The following GPALPP1 variants were observed in gnomAD, a reference collection of about 807,000 sequenced individuals.
GPALPP1 encodes the protein GPALPP motifs containing 1.
In GPALPP1, 30 loss-of-function variants were observed where a neutral mutation model predicts 38.9. The ratio of observed to expected loss-of-function variants is 0.77; its 90% CI spans 0.58 to 1.05. The LOEUF is 1.05. GPALPP1 is among the 50% of genes least tolerant of loss of function. The pLI, the probability that GPALPP1 is intolerant of heterozygous loss-of-function variation, is 0.00. For missense variants in GPALPP1, 384 were observed against 408.8 expected, an observed-to-expected ratio of 0.94 and a Z score of 0.52; for synonymous variants, 120 against 139.2, an observed-to-expected ratio of 0.86 and a Z score of 0.97.
intron 4 of GPALPP1, 82 bp downstream of exon 4, chr13:45,008,961 T>C (rs1874292527): frequency 1.3e-6 from 1 of 796,666 alleles, no homozygotes; most frequent in African/African-American, 1.7e-5. Context: ...CTCCAAACTT[T>C]ATGCATGCAG....
At chr13:45,024,788 C>T (rs896120977) in intron 7 of GPALPP1, among the ~76,000 whole-genome samples, 6 of 151,922 alleles carry the variant, frequency 3.9e-5, no homozygotes, top group African/African-American at 9.7e-5. Flanking sequence ...ATTAGCTGAG[C>T]GTGGTGGCGG....
rs368317550 is a variant in GPALPP1 at position 45,011,773 on chromosome 13, C to T, written c.408+2894C>T. ...TCATTATTACCATTGTTCTTATTGC[C>T]TCCACTATGGATGCCATGAGTGTAA... On this transcript the variant is annotated intron_variant, in intron 4 of 7. Transcript: ENST00000379151. Among the ~76,000 whole-genome samples the T allele has an allele frequency of 3.9e-5, 6 of 152,138 alleles. No individual in the cohort carries two copies. The East Asian group carries it at 1.2e-3, about 29-fold the overall frequency.
intron 7 of GPALPP1, among the ~76,000 whole-genome samples, chr13:45,024,719 G>A (rs1875715873): frequency 6.6e-6 from 1 of 150,850 alleles, no homozygotes; most frequent in South Asian, 2.2e-4. Context: ...GTGAGGTCAG[G>A]AGTTCAAGAC....
downstream of GPALPP1, chr13:45,031,468 G>T (rs1876194284): frequency 6.6e-6 from 1 of 151,752 alleles, no homozygotes; most frequent in Non-Finnish European, 1.5e-5. Context: ...ACTTTTCTTT[G>T]TTTTCCTCAT....
intron 6 of GPALPP1, among the ~76,000 whole-genome samples, chr13:45,017,342 G>A (rs1874950068): frequency 6.6e-6 from 1 of 152,144 alleles, no homozygotes; most frequent in Non-Finnish European, 1.5e-5. Flanking sequence ...AGATTAAAGA[G>A]AATCTGAGAG....
rs754090863 is a variant in GPALPP1 at position 45,015,501 on chromosome 13, C to T, written c.610C>T (p.Leu204Phe). The T allele has an allele frequency of 6.2e-7, 1 of 1,608,878 alleles. No homozygotes were observed. The highest frequency in any genetic ancestry group is 8.5e-7 in the Non-Finnish European group (1 of 1,177,210). ...TCCTCCAGAAATGAAAGACTTTGGT[C>T]TTGGGCCAAGGACTTTTAAGAGAAG... ...ELPPEMKDFGLGPRTFKRRAD... is the reference protein window; with the variant it reads ...ELPPEMKDFGFGPRTFKRRAD... The change falls in exon 6 of 8, where the codon CTT becomes TTT. Residue 204 changes from leucine to phenylalanine, a missense_variant. Physicochemically the swap from Leu to Phe is conservative, Grantham distance 22. Coordinates refer to ENST00000379151, the MANE Select transcript of GPALPP1 (RefSeq NM_018559.5).
At chr13:45,020,220 C>A in intron 6 of GPALPP1, 110 bp from the exon 7 acceptor site, 1 of 542,562 alleles carries the variant, frequency 1.8e-6, no homozygotes, top group South Asian at 2.3e-5. Flanking sequence ...ATTTCACAAA[C>A]CTGGCTTAGT....
chr13:44,990,588 T>C (rs1160542175), intron 1 of GPALPP1, among the ~76,000 whole-genome samples: 1 of 152,222 alleles, frequency 6.6e-6, no homozygotes, highest in African/African-American at 2.4e-5. Flanking sequence ...ACGAAACGAA[T>C]GCTTCTCGGA....
chr13:45,009,023 T>A (rs1383066178), intron 4 of GPALPP1, 144 bp downstream of exon 4: 1 of 707,208 alleles, frequency 1.4e-6, no homozygotes, highest in African/African-American at 1.8e-5. Flanking sequence ...TATATTCAGA[T>A]TAATTTAAGA....
chr13:45,024,156 T>TGTGTGTGTGTGTGTGC (rs1875616841), intron 7 of GPALPP1, among the ~76,000 whole-genome samples: 1 of 6,232 alleles, frequency 1.6e-4, no homozygotes, highest in Non-Finnish European at 5.4e-4. Flanking sequence ...TCTGTGTGTG[T>TGTGTGTGTGTGTGTGC]GTGTGTGTGT....
intron 1 of GPALPP1, among the ~76,000 whole-genome samples, chr13:44,996,708 C>A (rs1873304800): frequency 6.6e-6 from 1 of 150,822 alleles, no homozygotes; most frequent in South Asian, 2.1e-4. Context: ...GTCTGGAACT[C>A]CTGGGCTCAA....
chr13:45,036,753 C>T (rs1015922830), exon 8 of GPALPP1: 1 of 152,088 alleles, frequency 6.6e-6, no homozygotes, highest in African/African-American at 2.4e-5. Flanking sequence ...CAAGACCAAC[C>T]TGGGCAACGT....
chr13:45,024,147 CTGTGTGTGTGTGTGTGTGTGTGTG>C (rs58048658), intron 7 of GPALPP1, among the ~76,000 whole-genome samples: 6 of 23,344 alleles, frequency 2.6e-4, no homozygotes, highest in East Asian at 1.4e-3. Context: ...CCCTAAAACT[CTGTGTGTGTGTGTGTGTGTGTGTG>C]TGTGTGTGTG....
chr13:45,004,407 C>T lies in GPALPP1; in HGVS notation c.191C>T (p.Ser64Phe), dbSNP rs1210898729. 1 of 1,609,998 alleles carries T rather than the reference C, an allele frequency of 6.2e-7. No individual in the cohort carries two copies. Among genetic ancestry groups the T allele is most frequent in the African/African-American group, 1.3e-5 (1 of 74,832 alleles). ...TTGTACGAAGAAGGAAATCAAGAAT[C>T]TGAAGAAGATGACAGTGGTCCAACT... Reference protein sequence around the residue: ...SSLYEEGNQESEEDDSGPTAR... With the variant: ...SSLYEEGNQEFEEDDSGPTAR... Residue 64 changes from serine (S) to phenylalanine (F), a missense_variant, in exon 2 of 8, where the codon TCT becomes TTT. Coordinates refer to ENST00000379151, the MANE Select transcript of GPALPP1 (RefSeq NM_018559.5).
In GPALPP1 at chr13:45,027,372, A is replaced by G. The variant is rs542169588; in HGVS notation, c.805-413A>G. On this transcript the variant is annotated intron_variant, in intron 7 of 7. Transcript: ENST00000379151. ...AAAGGAACAAAAATTATCTTAGCTT[A>G]TGGAACATGCCAACATATGCTGCAC... Among the ~76,000 whole-genome samples, 18 of 152,334 alleles carry G rather than the reference A, an allele frequency of 1.2e-4. No individual in the cohort carries two copies. The South Asian group carries it at 3.5e-3, about 30-fold the overall frequency.
chr13:45,019,064 T>C (rs1875158870), intron 6 of GPALPP1, among the ~76,000 whole-genome samples: 1 of 33,784 alleles, frequency 3.0e-5, no homozygotes, highest in African/African-American at 5.0e-5. Flanking sequence ...AATATATACA[T>C]ATAAATATAT....
exon 8 of GPALPP1, chr13:45,036,616 CAAAG>C (rs1413354194): frequency 1.3e-5 from 2 of 151,908 alleles, no homozygotes; most frequent in Non-Finnish European, 2.9e-5. Flanking sequence ...TATTTGCTGA[CAAAG>C]AAAAGATAAC....
chr13:45,026,225 T>C (rs773137456), intron 7 of GPALPP1, among the ~76,000 whole-genome samples: 1 of 152,252 alleles, frequency 6.6e-6, no homozygotes, highest in Non-Finnish European at 1.5e-5. Flanking sequence ...AGTACTTTGC[T>C]TAACCCAGTA....
Position 45,007,412 on chromosome 13 carries a change from T to C in GPALPP1, c.323+1109T>C, listed in dbSNP as rs1258575730. ...ATGCCATGGTTTTATTCCTTTACTATGTTTTATGATTTTATATACCAGTAA... is the reference window on the plus strand; with the variant it reads ...ATGCCATGGTTTTATTCCTTTACTACGTTTTATGATTTTATATACCAGTAA... On this transcript the variant is annotated intron_variant, in intron 3 of 7. Transcript: ENST00000379151. 3.9e-5 allele frequency among the ~76,000 whole-genome samples: 6 copies of C among 152,226 alleles called. No individual in the cohort carries two copies. The South Asian group carries it at 1.2e-3, about 31-fold the overall frequency.
Sources: allele counts gnomAD v4.1 joint callset (sites outside exome capture counted in the v4.1 genomes callset), GRCh38; gene constraint gnomAD v4.1.1; transcripts MANE v1.5; gene names NCBI Gene and HGNC (gene_info 2026-07-23, HGNC 2026-07-21).